TNS3: variants seen among roughly 807,000 people sequenced by gnomAD.
TNS3 encodes tensin-3.
Under a neutral mutation model 140.9 loss-of-function variants are expected in TNS3, and 45 were observed. The ratio of observed to expected loss-of-function variants is 0.32; its 90% CI spans 0.25 to 0.41. The LOEUF (loss-of-function observed/expected upper bound fraction) is 0.41. Ranked by LOEUF, TNS3 falls within the 10% of genes least tolerant of loss-of-function variation. The probability of loss-of-function intolerance (pLI) is 1.00; values close to 1 mark genes in which losing one functional copy is unlikely to be tolerated. For synonymous variants in TNS3, 815 were observed against 788.4 expected, an observed-to-expected ratio of 1.03 and a Z score of -0.56; for missense variants, 1,716 against 1,906.7, an observed-to-expected ratio of 0.90 and a Z score of 1.86.
At position 47,478,828 on chromosome 7, in the gene TNS3, A is replaced by G. The variant is rs113295892; in HGVS notation, c.-76+2275T>C. 1.7e-3 allele frequency among the ~76,000 whole-genome samples: 263 copies of G among 152,206 alleles called. 2 individuals carry two copies. The highest frequency in any genetic ancestry group is 5.4e-3 in the African/African-American group (226 of 41,540). On this transcript the variant is annotated intron_variant, in intron 4 of 30. Transcript: ENST00000311160. ...ATGTATAACATGCATGTATGTGTTC[A>G]TGTACCAATAAAATTACATGCATAA... is the stretch of plus-strand genomic sequence containing the variant.
rs1784886033 is a variant in TNS3 at position 47,276,766 on chromosome 7, C to T, written c.*1310G>A. 6.6e-6 allele frequency: 1 copy of T among 152,230 alleles called. No homozygotes were observed. The highest frequency in any genetic ancestry group is 2.4e-5 in the African/African-American group (1 of 41,440). 9.4% of individuals were successfully genotyped at this position (152,230 alleles called of 1,614,324 possible). A position where few individuals can be genotyped will look rare whatever the true frequency, so the allele number is the denominator to read the frequency against. ...TGGCTTAGATGATGGCAAACAGTGG[C>T]ACTCAAAAACAGCTTGTCAGTACCG... On this transcript the variant is annotated 3_prime_UTR_variant, in exon 31 of 31. Transcript: ENST00000311160.
Position 47,465,486 on chromosome 7 carries a change from C to T in TNS3, c.-76+15617G>A, listed in dbSNP as rs1796669975. 1.3e-5 allele frequency among the ~76,000 whole-genome samples: 2 copies of T among 152,162 alleles called. 1 individual carries two copies. Among genetic ancestry groups the T allele is most frequent in the Admixed American group, 1.3e-4 (2 of 15,276 alleles). Reference sequence around the variant, plus strand: ...GAAGTAGAGACACGCGGATCAGAAGCCCCAGGTCCCACCACTTTGTTTCCA... The same window carrying T: ...GAAGTAGAGACACGCGGATCAGAAGTCCCAGGTCCCACCACTTTGTTTCCA... On this transcript the variant is annotated intron_variant, in intron 4 of 30. Transcript: ENST00000311160.
chr7:47,332,244 A>G (rs917698046), intron 20 of TNS3, among the ~76,000 whole-genome samples: 1 of 152,226 alleles, frequency 6.6e-6, no homozygotes, highest in Non-Finnish European at 1.5e-5. Flanking sequence ...GAGGGGATGG[A>G]ACTGTGGGGA....
chr7:47,352,463 G>T (rs562528667), intron 17 of TNS3, among the ~76,000 whole-genome samples: 2 of 152,196 alleles, frequency 1.3e-5, no homozygotes, highest in Admixed American at 6.5e-5. Context: ...CGGATGGTCC[G>T]TGATGGTGGA....
At chr7:47,392,098 G>C (rs185748413) in intron 16 of TNS3, among the ~76,000 whole-genome samples, 88 of 152,216 alleles carry the variant, frequency 5.8e-4, no homozygotes, top group Admixed American at 1.0e-3. Flanking sequence ...TGAGGCTTCC[G>C]GCAGGCAGCC....
intron 16 of TNS3, among the ~76,000 whole-genome samples, chr7:47,386,708 G>A (rs1303977462): frequency 1.3e-5 from 2 of 152,254 alleles, no homozygotes; most frequent in African/African-American, 4.8e-5. Flanking sequence ...GGGGAAAGGA[G>A]TGCTGTGAAA....
At chr7:47,285,705 G>A (rs747189180) in intron 27 of TNS3, among the ~76,000 whole-genome samples, 3 of 152,222 alleles carry the variant, frequency 2.0e-5, no homozygotes, top group Non-Finnish European at 2.9e-5. Flanking sequence ...TAGTGGTCCC[G>A]CTTCTGAGGA....
rs1045650059 is a variant in TNS3 at position 47,448,145 on chromosome 7, C to T, written c.-75-6090G>A. 7.5e-4 allele frequency among the ~76,000 whole-genome samples: 115 copies of T among 152,362 alleles called. 1 individual carries two copies. Among genetic ancestry groups the T allele is most frequent in the Non-Finnish European group, 8.8e-5 (6 of 68,032 alleles). Reference sequence around the variant, plus strand: ...CCTGGAGCTGCTCCCTTGGCTGTCACATCAACACCATGGCCACCACCCGGG... The same window carrying T: ...CCTGGAGCTGCTCCCTTGGCTGTCATATCAACACCATGGCCACCACCCGGG... On this transcript the variant is annotated intron_variant, in intron 4 of 30. Coordinates refer to ENST00000311160, the MANE Select transcript of TNS3 (RefSeq NM_022748.12).
rs577178696 is a variant in TNS3, at chr7:47,316,503, T to C, written c.2651-11500A>G. On this transcript the variant is annotated intron_variant, in intron 20 of 30. Transcript: ENST00000311160. The stretch of plus-strand genomic sequence containing the variant: ...TAATTTAGAAAAGCAAGACTTTGTA[T>C]TGGAGTTTCCTCAGTAGTGATTAGT... Among the ~76,000 whole-genome samples the C allele has an allele frequency of 6.6e-5, 10 of 152,180 alleles. No homozygotes were observed. In the East Asian group the frequency reaches 1.9e-3, roughly 29 times the overall value.
At position 47,293,918 on chromosome 7, in the gene TNS3, A is replaced by G; in HGVS notation, c.3677-90T>C. 38 of 1,200,262 alleles carry G rather than the reference A, an allele frequency of 3.2e-5. 1 individual carries two copies. The highest frequency in any genetic ancestry group is 1.1e-4 in the South Asian group (9 of 78,540). The allele number at this position is 1,200,262 out of a possible 1,614,324, so 74.4% of individuals were successfully genotyped here. On this transcript the variant is annotated intron_variant, in intron 24 of 30. Transcript: ENST00000311160. ...AGAGAACATAAAAGCCAGGAGCTACAGTTGAAAAGGCTCTTCTCTGAATAC... is the reference window on the plus strand; with the variant it reads ...AGAGAACATAAAAGCCAGGAGCTACGGTTGAAAAGGCTCTTCTCTGAATAC...
At chr7:47,357,572 A>C (rs1365407490) in intron 17 of TNS3, among the ~76,000 whole-genome samples, 1 of 152,102 alleles carries the variant, frequency 6.6e-6, no homozygotes, top group Non-Finnish European at 1.5e-5. Context: ...GAGCCGCACA[A>C]CTTGCAGTTT....
rs1027287744 is a variant in TNS3, at chr7:47,444,968, G to T, written c.-75-2913C>A. Among the ~76,000 whole-genome samples, 3 of 152,226 alleles carry T rather than the reference G, an allele frequency of 2.0e-5. No individual in the cohort carries two copies. The South Asian group carries it at 6.2e-4, about 32-fold the overall frequency. On this transcript the variant is annotated intron_variant, in intron 4 of 30. Coordinates refer to ENST00000311160, the MANE Select transcript of TNS3 (RefSeq NM_022748.12). ...TTACATGAAGTGTTCGGAAATGCAG[G>T]GTTCCTGTAAAGTGTCCCAGCATTG...
intron 17 of TNS3, among the ~76,000 whole-genome samples, chr7:47,364,686 T>C (rs1790589993): frequency 6.6e-6 from 1 of 152,202 alleles, no homozygotes; most frequent in South Asian, 2.1e-4. Context: ...GCTTGCTCCA[T>C]CTCCCAGCTT....
chr7:47,540,270 C>T (rs1317558265), intron 1 of TNS3, among the ~76,000 whole-genome samples: 7 of 152,116 alleles, frequency 4.6e-5, no homozygotes, highest in African/African-American at 1.7e-4. Flanking sequence ...AGGTTCTTCC[C>T]AGGAACAAAA....
Position 47,352,300 on chromosome 7 carries a change from ACT to A in TNS3, c.2282-5946_2282-5945del, listed in dbSNP as rs10558604. On this transcript the variant is annotated intron_variant, in intron 17 of 30. Transcript: ENST00000311160. Reference sequence around the variant, plus strand: ...TTTTTCATGATACACACATTGTCACACTCACATTCAGTCTCAGTCTTGTACAC... The same window carrying A: ...TTTTTCATGATACACACATTGTCACACACATTCAGTCTCAGTCTTGTACAC... 3.1e-3 allele frequency among the ~76,000 whole-genome samples: 469 copies of A among 152,078 alleles called. 2 individuals are homozygous for A. The highest frequency in any genetic ancestry group is 0.011 in the African/African-American group (442 of 41,452).
intron 20 of TNS3, among the ~76,000 whole-genome samples, chr7:47,330,402 C>T (rs1788270213): frequency 6.6e-6 from 1 of 152,206 alleles, no homozygotes; most frequent in Non-Finnish European, 1.5e-5. Flanking sequence ...CTCTCTCCTT[C>T]CACTTACCCA....
Position 47,428,374 on chromosome 7 carries a change from G to T in TNS3, c.327C>A (p.Gly109=). 1 of 1,427,574 alleles carries T rather than the reference G, an allele frequency of 7.0e-7. No individual in the cohort carries two copies. Among genetic ancestry groups the T allele is most frequent in the East Asian group, 2.7e-5 (1 of 36,822 alleles). The allele number at this position is 1,427,574 out of a possible 1,614,324, so 88.4% of individuals were successfully genotyped here. A position where few individuals can be genotyped will look rare whatever the true frequency, so the allele number is the denominator to read the frequency against. Residue 109 remains glycine (G), a splice_region_variant and synonymous_variant, in exon 9 of 31, where the codon GGC becomes GGA. Coordinates refer to ENST00000311160, the MANE Select transcript of TNS3 (RefSeq NM_022748.12). ...LQHVVVIHCR[G]GKGRIGVVIS... Reference sequence around the variant, plus strand: ...TGACCACTCCTATGCGTCCTTTCCCGCCCTGCAGGAGACAAAAGATCAGCT... The same window carrying T: ...TGACCACTCCTATGCGTCCTTTCCCTCCCTGCAGGAGACAAAAGATCAGCT...
At chr7:47,341,115 C>G (rs1788986772) in intron 20 of TNS3, among the ~76,000 whole-genome samples, 1 of 152,126 alleles carries the variant, frequency 6.6e-6, no homozygotes. Flanking sequence ...GTGTGTCAAT[C>G]TTTTTATATA....
intron 20 of TNS3, among the ~76,000 whole-genome samples, chr7:47,322,417 G>A (rs181944557): frequency 2.0e-5 from 3 of 152,148 alleles, no homozygotes; most frequent in Admixed American, 2.0e-4. Context: ...AGCTACTCAG[G>A]AGGATGAAGC....
Sources: gnomAD v4.1 joint callset for allele counts (sites outside exome capture counted in the v4.1 genomes callset) on GRCh38, gnomAD v4.1.1 for gene constraint, MANE v1.5 for transcripts, NCBI Gene and HGNC (gene_info 2026-07-23, HGNC 2026-07-21) for gene names.